SPATA6L: variants seen among roughly 807,000 people sequenced by gnomAD.
SPATA6L encodes spermatogenesis associated 6-like protein.
Under a neutral mutation model 49.2 loss-of-function variants are expected in SPATA6L, and 68 were observed. The ratio of observed to expected loss-of-function variants is 1.38; its 90% confidence interval spans 1.14 to 1.69. The LOEUF (loss-of-function observed/expected upper bound fraction) is 1.69. Among genes scored for constraint, SPATA6L ranks in the 40% most tolerant of loss-of-function variants. SPATA6L has a pLI of 0.00. For missense variants in SPATA6L, 668 were observed against 464.3 expected (o/e 1.44, Z -4.03); for synonymous variants, 198 against 165.7 (o/e 1.19, Z -1.50).
At chr9:4,624,313 T>C (rs921797189) in intron 6 of SPATA6L, among the ~76,000 whole-genome samples, 9 of 152,222 alleles carry the variant, frequency 5.9e-5, no homozygotes, top group African/African-American at 2.2e-4. Context: ...AGCCTATGAA[T>C]GCAAGCATAA....
chr9:4,604,316 G>C (rs1255926249), intron 10 of SPATA6L, 47 bp from the exon 11 acceptor site: 3 of 1,254,958 alleles, frequency 2.4e-6, no homozygotes, highest in Admixed American at 3.5e-5. Context: ...TAACATAATA[G>C]AGATGGATGA....
chr9:4,634,236 TTATCTTCTGAAGAGCAA>T (rs1397074656), intron 4 of SPATA6L, among the ~76,000 whole-genome samples: 3 of 152,234 alleles, frequency 2.0e-5, no homozygotes, highest in Non-Finnish European at 4.4e-5. Context: ...TTAACCCCTT[TTATCTTCTGAAGAGCAA>T]TATCCCAATA....
chr9:4,605,206 G>T, intron 10 of SPATA6L, 141 bp downstream of exon 10: 1 of 666,256 alleles, frequency 1.5e-6, no homozygotes, highest in East Asian at 2.8e-5. Context: ...CAGGACAACA[G>T]GTAATCTCCT....
intron 2 of SPATA6L, among the ~76,000 whole-genome samples, chr9:4,658,449 G>T (rs1385452): frequency 0.33 from 50,105 of 151,986 alleles, 8,396 homozygotes; most frequent in Non-Finnish European, 0.36. Context: ...CCAACAGGAA[G>T]AAAGGAATAT....
At position 4,662,089 on chromosome 9, in the gene SPATA6L, T is replaced by A; in HGVS notation, c.40-53A>T. On this transcript the variant is annotated intron_variant, in intron 1 of 11. Transcript: ENST00000682582. The surrounding 1 kb of genome is among the most constrained non-coding windows in gnomAD (Gnocchi z 4.9). ...GGGAGAGAAAACAGACTTTGCTTTG[T>A]TTTGTTACACGGGGCTCTATTTCTC... 1 of 1,598,044 alleles carries A rather than the reference T, an allele frequency of 6.3e-7. No homozygotes were observed. Among genetic ancestry groups the A allele is most frequent in the Non-Finnish European group, 8.5e-7 (1 of 1,171,568 alleles).
At chr9:4,620,361 C>T (rs1210871282) in intron 7 of SPATA6L, among the ~76,000 whole-genome samples, 2 of 152,184 alleles carry the variant, frequency 1.3e-5, no homozygotes, top group African/African-American at 2.4e-5. Flanking sequence ...ACCTTTCACA[C>T]GGGGGCCTGC....
chr9:4,656,811 A>G (rs1838351426), intron 2 of SPATA6L, among the ~76,000 whole-genome samples: 1 of 152,236 alleles, frequency 6.6e-6, no homozygotes, highest in Admixed American at 6.5e-5. Flanking sequence ...TGTATACAAC[A>G]GATACTCATT....
downstream of SPATA6L, among the ~76,000 whole-genome samples, chr9:4,593,841 T>C (rs1026141315): frequency 6.6e-6 from 1 of 152,210 alleles, no homozygotes; most frequent in Non-Finnish European, 1.5e-5. Context: ...CTCCTCCTGC[T>C]GCTCCCTTAC....
chr9:4,643,634 A>G (rs1187281638), intron 3 of SPATA6L, among the ~76,000 whole-genome samples: 1 of 152,254 alleles, frequency 6.6e-6, no homozygotes, highest in Non-Finnish European at 1.5e-5. Context: ...AGTAAAACCC[A>G]AAATACTATG....
In SPATA6L at chr9:4,662,147, T is replaced by C. The variant is rs1334766349; in HGVS notation, c.40-111A>G. The C allele has an allele frequency of 1.7e-5, 26 of 1,488,640 alleles. No homozygotes were observed. Among genetic ancestry groups the C allele is most frequent in the Non-Finnish European group, 2.2e-5 (25 of 1,119,170 alleles). The allele number at this position is 1,488,640 out of a possible 1,614,324, so 92.2% of individuals were successfully genotyped here. The stretch of plus-strand genomic sequence containing the variant: ...CCTACAGACACTGACATTTTCCCCA[T>C]CACCTCACTCCCTCACCTGTACCTC... On this transcript the variant is annotated intron_variant, in intron 1 of 11. Transcript: ENST00000682582. This position sits in a 1 kb window ranked among gnomAD's most constrained non-coding sequence, Gnocchi z 4.9.
At chr9:4,603,788 T>G (rs149338606) in intron 11 of SPATA6L, among the ~76,000 whole-genome samples, 73 of 152,052 alleles carry the variant, frequency 4.8e-4, no homozygotes, top group African/African-American at 1.7e-3. Flanking sequence ...TGTCGTGTCA[T>G]AGAAAATCAT....
rs903270154 is a variant in SPATA6L at position 4,662,084 on chromosome 9, C to T, written c.40-48G>A. On this transcript the variant is annotated intron_variant, in intron 1 of 11. Coordinates refer to ENST00000682582, the MANE Select transcript of SPATA6L (RefSeq NM_001353486.2). The surrounding 1 kb of genome is among the most constrained non-coding windows in gnomAD (Gnocchi z 4.9). ...AACAAGGGAGAGAAAACAGACTTTG[C>T]TTTGTTTTGTTACACGGGGCTCTAT... 4.4e-6 allele frequency: 7 copies of T among 1,602,198 alleles called. No homozygotes were observed. Among genetic ancestry groups the T allele is most frequent in the African/African-American group, 4.0e-5 (3 of 74,300 alleles).
intron 3 of SPATA6L, among the ~76,000 whole-genome samples, chr9:4,650,328 T>A (rs1031204863): frequency 2.0e-5 from 3 of 152,128 alleles, no homozygotes; most frequent in South Asian, 4.1e-4. Flanking sequence ...CTGAGTAACA[T>A]CTCAGTTGCA....
intron 3 of SPATA6L, among the ~76,000 whole-genome samples, chr9:4,648,389 G>C (rs1031815288): frequency 6.6e-6 from 1 of 152,042 alleles, no homozygotes; most frequent in Non-Finnish European, 1.5e-5. Context: ...GGTTATTGGG[G>C]AATAGATGGT....
chr9:4,658,139 A>C (rs759725723), intron 2 of SPATA6L, among the ~76,000 whole-genome samples: 7 of 152,210 alleles, frequency 4.6e-5, no homozygotes, highest in Non-Finnish European at 7.3e-5. Context: ...CCTCCAGAAC[A>C]GTGAGATGAT....
chr9:4,663,462 G>C, intron 1 of SPATA6L: 1 of 575,598 alleles, frequency 1.7e-6, no homozygotes, highest in Non-Finnish European at 3.1e-6. Context: ...ATTAGGGAAA[G>C]CAAAAAAACC....
intron 9 of SPATA6L, among the ~76,000 whole-genome samples, chr9:4,606,128 C>G (rs1824861401): frequency 6.6e-6 from 1 of 151,640 alleles, no homozygotes; most frequent in Non-Finnish European, 1.5e-5. Context: ...GCGCACCACC[C>G]ACCTGGCTCG....
chr9:4,622,523 G>C lies in SPATA6L; in HGVS notation c.670-13C>G, dbSNP rs144310912. On this transcript the variant is annotated splice_polypyrimidine_tract_variant and intron_variant, in intron 6 of 11. Coordinates refer to ENST00000682582, the MANE Select transcript of SPATA6L (RefSeq NM_001353486.2). ...TTGCACTGTCCACCTGAAAGTAAAG[G>C]AAAGAAATAAGACTAGAATCCACTA... The C allele has an allele frequency of 6.3e-7, 1 of 1,576,596 alleles. No individual in the cohort carries two copies. The highest frequency in any genetic ancestry group is 2.2e-5 in the East Asian group (1 of 44,656).
chr9:4,608,823 C>A (rs1178198318), intron 9 of SPATA6L, among the ~76,000 whole-genome samples: 1 of 151,746 alleles, frequency 6.6e-6, no homozygotes, highest in South Asian at 2.1e-4. Flanking sequence ...AATAGAGACA[C>A]AAAAAACCCT....
Sources: allele counts gnomAD v4.1 joint callset (sites outside exome capture counted in the v4.1 genomes callset), GRCh38; gene constraint gnomAD v4.1.1; non-coding constraint Gnocchi (gnomAD v3.1); transcripts MANE v1.5; gene names NCBI Gene and HGNC (gene_info 2026-07-23, HGNC 2026-07-21).